Variants in GRM8 observed in about 807,000 individuals in gnomAD.
GRM8 encodes metabotropic glutamate receptor 8.
Under a neutral mutation model 87.2 loss-of-function variants are expected in GRM8, and 47 were observed. That is an observed-to-expected ratio of 0.54 (90% CI 0.43 to 0.69). The LOEUF (loss-of-function observed/expected upper bound fraction) is 0.69, where lower values mean the gene tolerates loss of function less well. Among genes scored for constraint, GRM8 ranks in the 30% least tolerant of loss-of-function variants. The pLI is 0.00. For synonymous variants in GRM8, 396 were observed against 404.5 expected (o/e 0.98, Z 0.25); for missense variants, 1,019 against 1,139.2 (o/e 0.89, Z 1.52).
At position 126,479,914 on chromosome 7, in the gene GRM8, G is replaced by C. The variant is rs529496308; in HGVS notation, c.2431-33542C>G. Among the ~76,000 whole-genome samples the C allele has an allele frequency of 2.0e-4, 31 of 152,122 alleles. No individual in the cohort carries two copies. The South Asian group carries it at 6.0e-3, about 29-fold the overall frequency. ...AATTTCTCCACACTTTTAAACACTT[G>C]TTGTCTATCTATTTTCATTTATGAC... On this transcript the variant is annotated intron_variant, in intron 9 of 10. Coordinates refer to ENST00000339582, the MANE Select transcript of GRM8 (RefSeq NM_000845.3).
intron 3 of GRM8, among the ~76,000 whole-genome samples, chr7:127,098,301 CT>C (rs560850095): frequency 2.0e-5 from 3 of 152,162 alleles, no homozygotes; most frequent in Non-Finnish European, 4.4e-5. Flanking sequence ...CTCAAATTGA[CT>C]TTTGCCTGCT....
intron 7 of GRM8, among the ~76,000 whole-genome samples, chr7:126,686,547 T>G (rs1367770718): frequency 6.6e-6 from 1 of 152,164 alleles, no homozygotes; most frequent in Non-Finnish European, 1.5e-5. Context: ...AGAAGCTGTT[T>G]GCAGTCCTCC....
At chr7:127,234,493 T>C (rs1157840230) in intron 2 of GRM8, among the ~76,000 whole-genome samples, 1 of 152,198 alleles carries the variant, frequency 6.6e-6, no homozygotes, top group Non-Finnish European at 1.5e-5. Flanking sequence ...ACCAGGTGTG[T>C]GTCAAAAGAA....
chr7:126,606,429 G>A (rs1305376618), intron 8 of GRM8, among the ~76,000 whole-genome samples: 1 of 152,158 alleles, frequency 6.6e-6, no homozygotes, highest in Non-Finnish European at 1.5e-5. Context: ...TATAAGGTGG[G>A]TGCTACTGTT....
intron 9 of GRM8, among the ~76,000 whole-genome samples, chr7:126,506,259 C>T (rs987816283): frequency 6.6e-6 from 1 of 151,444 alleles, no homozygotes; most frequent in African/African-American, 2.4e-5. Context: ...ATACGTGTAT[C>T]TACACACACA....
At chr7:126,509,016 C>T (rs574037940) in intron 9 of GRM8, among the ~76,000 whole-genome samples, 1 of 152,126 alleles carries the variant, frequency 6.6e-6, no homozygotes, top group South Asian at 2.1e-4. Flanking sequence ...CTCTCCATAA[C>T]ATATACTTGG....
intron 7 of GRM8, among the ~76,000 whole-genome samples, chr7:126,616,524 T>G (rs1208215986): frequency 6.6e-6 from 1 of 151,692 alleles, no homozygotes; most frequent in Non-Finnish European, 1.5e-5. Flanking sequence ...ATAACTAAGA[T>G]CAGAGCAGAA....
chr7:126,616,805 A>T (rs865837270), intron 7 of GRM8, among the ~76,000 whole-genome samples: 1 of 152,038 alleles, frequency 6.6e-6, no homozygotes, highest in South Asian at 2.1e-4. Flanking sequence ...CGACACATAC[A>T]CCCTCCCAAG....
intron 8 of GRM8, among the ~76,000 whole-genome samples, chr7:126,601,617 T>C (rs1310388501): frequency 2.0e-5 from 3 of 147,194 alleles, no homozygotes; most frequent in Non-Finnish European, 3.0e-5. Context: ...TTTTAATGAT[T>C]GCCATTCTAA....
At chr7:126,889,628 A>G (rs1199326120) in intron 6 of GRM8, among the ~76,000 whole-genome samples, 1 of 152,132 alleles carries the variant, frequency 6.6e-6, no homozygotes, top group African/African-American at 2.4e-5. Context: ...ATGTAGAAAT[A>G]TATCTGAATG....
intron 3 of GRM8, among the ~76,000 whole-genome samples, chr7:126,908,140 G>A (rs1802900764): frequency 6.6e-6 from 1 of 152,176 alleles, no homozygotes; most frequent in South Asian, 2.1e-4. Context: ...AGAGAGAGAA[G>A]GGAATTGTAA....
intron 6 of GRM8, among the ~76,000 whole-genome samples, chr7:126,770,336 T>C (rs543982844): frequency 6.6e-6 from 1 of 152,262 alleles, no homozygotes; most frequent in East Asian, 1.9e-4. Flanking sequence ...TATTGAGTCC[T>C]ATTATATTGT....
chr7:126,453,284 G>A (rs975015664), intron 9 of GRM8, among the ~76,000 whole-genome samples: 2 of 151,738 alleles, frequency 1.3e-5, no homozygotes, highest in Non-Finnish European at 2.9e-5. Flanking sequence ...CCAGCAGCAG[G>A]TCAGATACAT....
At chr7:126,568,598 AATG>A (rs1481245283) in intron 8 of GRM8, among the ~76,000 whole-genome samples, 1 of 152,162 alleles carries the variant, frequency 6.6e-6, no homozygotes, top group Non-Finnish European at 1.5e-5. Context: ...CTTTGAAGTA[AATG>A]ATTATTCCTA....
intron 8 of GRM8, among the ~76,000 whole-genome samples, chr7:126,571,811 G>A (rs1023582076): frequency 4.6e-5 from 7 of 151,574 alleles, no homozygotes; most frequent in Admixed American, 2.6e-4. Context: ...CATGATCTCG[G>A]CTCACTGCAA....
At chr7:126,890,080 A>G (rs1329069140) in intron 6 of GRM8, among the ~76,000 whole-genome samples, 2 of 152,154 alleles carry the variant, frequency 1.3e-5, no homozygotes, top group Admixed American at 6.6e-5. Context: ...AAAGTTAAAT[A>G]CAATTTGAAA....
Position 126,537,645 on chromosome 7 carries a change from C to T in GRM8, c.1495-3758G>A, listed in dbSNP as rs920016312. Reference sequence around the variant, plus strand: ...CAAAAAAATTAGCCGGGCATGGTGGCAGGTGCCTGTAGTCCTAGCTACTTG... The same window carrying T: ...CAAAAAAATTAGCCGGGCATGGTGGTAGGTGCCTGTAGTCCTAGCTACTTG... On this transcript the variant is annotated intron_variant, in intron 8 of 10. Transcript: ENST00000339582. Among the ~76,000 whole-genome samples, 3 of 152,034 alleles carry T rather than the reference C, an allele frequency of 2.0e-5. No individual in the cohort carries two copies. The East Asian group carries it at 5.8e-4, about 29-fold the overall frequency.
chr7:127,092,170 C>T lies in GRM8; in HGVS notation c.727+14326G>A, dbSNP rs575310613. Among the ~76,000 whole-genome samples the T allele has an allele frequency of 6.6e-5, 10 of 151,792 alleles. No individual in the cohort carries two copies. The South Asian group carries it at 2.1e-3, about 32-fold the overall frequency. ...TTAAGCTTTTGCTTATCTCTCCCTA[C>T]CCTATATAATGGAAGCCTCTTTCTT... On this transcript the variant is annotated intron_variant, in intron 3 of 10. Coordinates refer to ENST00000339582, the MANE Select transcript of GRM8 (RefSeq NM_000845.3).
chr7:126,899,386 G>A (rs1470210005), intron 6 of GRM8, among the ~76,000 whole-genome samples: 1 of 151,984 alleles, frequency 6.6e-6, no homozygotes, highest in Middle Eastern at 3.4e-3. Flanking sequence ...TGCTGTTCAC[G>A]CACCTACACG....
Sources: gnomAD v4.1 joint callset for allele counts (sites outside exome capture counted in the v4.1 genomes callset) on GRCh38, gnomAD v4.1.1 for gene constraint, MANE v1.5 for transcripts, NCBI Gene and HGNC (gene_info 2026-07-23, HGNC 2026-07-21) for gene names.